The following MARCHF1 variants were observed in gnomAD, a reference collection of about 807,000 sequenced individuals.
MARCHF1 encodes the protein E3 ubiquitin-protein ligase MARCHF1.
In MARCHF1, 40 loss-of-function variants were observed where a neutral mutation model predicts 54.2. That is an observed-to-expected ratio of 0.74 (90% CI 0.57 to 0.96). MARCHF1 has a LOEUF of 0.96. Ranked by LOEUF, MARCHF1 falls within the 40% of genes least tolerant of loss-of-function variation. The probability of loss-of-function intolerance (pLI) is 0.00; values close to 1 mark genes in which losing one functional copy is unlikely to be tolerated. For missense variants in MARCHF1, 586 were observed against 656.5 expected, an observed-to-expected ratio of 0.89 and a Z score of 1.17; for synonymous variants, 236 against 236.3, an observed-to-expected ratio of 1.00 and a Z score of 0.01.
chr4:164,093,702 A>G (rs917310709), intron 2 of MARCHF1, among the ~76,000 whole-genome samples: 1 of 152,186 alleles, frequency 6.6e-6, no homozygotes, highest in Admixed American at 6.5e-5. Context: ...AGGGGAGGAC[A>G]GTGGCAGTGA....
chr4:163,756,648 A>C (rs1746681407), intron 4 of MARCHF1, among the ~76,000 whole-genome samples: 1 of 150,478 alleles, frequency 6.6e-6, no homozygotes, highest in Non-Finnish European at 1.5e-5. Flanking sequence ...AAAAAAAAAA[A>C]AAAAAAAAAG....
chr4:164,097,592 A>C (rs1030757680), intron 2 of MARCHF1, among the ~76,000 whole-genome samples: 3 of 152,094 alleles, frequency 2.0e-5, no homozygotes, highest in African/African-American at 7.2e-5. Flanking sequence ...AATATAATTG[A>C]TTGCTTGGGT....
At chr4:163,712,477 G>T (rs1256622968) in intron 4 of MARCHF1, among the ~76,000 whole-genome samples, 1 of 152,014 alleles carries the variant, frequency 6.6e-6, no homozygotes, top group East Asian at 1.9e-4. Context: ...TCCTGCAAAG[G>T]TTGGTAATCC....
At chr4:163,535,818 G>C (rs1326816674) in intron 9 of MARCHF1, among the ~76,000 whole-genome samples, 1 of 149,330 alleles carries the variant, frequency 6.7e-6, no homozygotes, top group East Asian at 2.0e-4. Flanking sequence ...ACAATCATCT[G>C]AAACACTGAC....
intron 1 of MARCHF1, among the ~76,000 whole-genome samples, chr4:164,128,435 AG>A (rs1223086936): frequency 6.6e-6 from 1 of 152,162 alleles, no homozygotes; most frequent in East Asian, 1.9e-4. Context: ...AGAAGAAAAA[AG>A]ACTTAAAATC....
At chr4:163,985,615 A>G (rs1332711865) in intron 3 of MARCHF1, among the ~76,000 whole-genome samples, 1 of 152,178 alleles carries the variant, frequency 6.6e-6, no homozygotes, top group Non-Finnish European at 1.5e-5. Flanking sequence ...CAGTTTTCTA[A>G]TTCTTTTCTT....
At position 163,525,346 on chromosome 4, in the gene MARCHF1, CA is replaced by C. The variant is rs1738064247; in HGVS notation, c.*3401del. The C allele has an allele frequency of 6.6e-6, 1 of 152,100 alleles. No homozygotes were observed. The highest frequency in any genetic ancestry group is 2.1e-4 in the South Asian group (1 of 4,826). The allele number at this position is 152,100 out of a possible 1,614,324, so 9.4% of individuals were successfully genotyped here. On this transcript the variant is annotated 3_prime_UTR_variant, in exon 10 of 10. Coordinates refer to ENST00000514618, the MANE Select transcript of MARCHF1 (RefSeq NM_001394959.1). ...GAGGTCGTCTGTCTGGGACTATAAT[CA>C]CGTGTAGAAGCAGCGCAGAGTGAGA...
intron 4 of MARCHF1, among the ~76,000 whole-genome samples, chr4:163,718,269 A>G (rs1003553511): frequency 6.6e-6 from 1 of 152,234 alleles, no homozygotes; most frequent in Non-Finnish European, 1.5e-5. Flanking sequence ...TAAAACACCA[A>G]AAGCAATGGC....
At chr4:163,959,179 A>C (rs1437183898) in intron 3 of MARCHF1, among the ~76,000 whole-genome samples, 2 of 151,924 alleles carry the variant, frequency 1.3e-5, no homozygotes, top group East Asian at 3.9e-4. Context: ...ATTGTGAGCA[A>C]ATACAATTAT....
At chr4:164,246,889 A>T (rs1732964072) in intron 1 of MARCHF1, among the ~76,000 whole-genome samples, 1 of 121,332 alleles carries the variant, frequency 8.2e-6, no homozygotes. Flanking sequence ...GAGAAATGCA[A>T]ATCAAAACCA....
intron 3 of MARCHF1, among the ~76,000 whole-genome samples, chr4:163,942,223 G>A (rs1751926048): frequency 6.6e-6 from 1 of 152,112 alleles, no homozygotes; most frequent in Non-Finnish European, 1.5e-5. Context: ...CAACTCCACC[G>A]TGTCCAATTT....
At chr4:164,089,659 T>C (rs1755259642) in intron 2 of MARCHF1, among the ~76,000 whole-genome samples, 1 of 137,000 alleles carries the variant, frequency 7.3e-6, no homozygotes, top group South Asian at 2.1e-4. Context: ...TTTACAAATA[T>C]GGTTACAGTG....
At chr4:163,692,894 A>C (rs1265474262) in intron 5 of MARCHF1, among the ~76,000 whole-genome samples, 1 of 151,384 alleles carries the variant, frequency 6.6e-6, no homozygotes, top group Non-Finnish European at 1.5e-5. Flanking sequence ...GAGAAGAACA[A>C]CACAATATCT....
At chr4:164,124,832 A>G (rs1180174847) in intron 1 of MARCHF1, among the ~76,000 whole-genome samples, 1 of 152,134 alleles carries the variant, frequency 6.6e-6, no homozygotes, top group Non-Finnish European at 1.5e-5. Context: ...CACTTTAAAA[A>G]AAGAATATAT....
intron 1 of MARCHF1, among the ~76,000 whole-genome samples, chr4:164,300,490 T>C (rs1734527893): frequency 6.6e-6 from 1 of 152,172 alleles, no homozygotes; most frequent in Non-Finnish European, 1.5e-5. Context: ...TACCCTTGAA[T>C]TCATATTTTG....
chr4:163,997,022 C>T (rs904262433), intron 2 of MARCHF1, among the ~76,000 whole-genome samples: 1 of 151,976 alleles, frequency 6.6e-6, no homozygotes, highest in Non-Finnish European at 1.5e-5. Context: ...AAAACACTTC[C>T]ACAGACAGGT....
intron 4 of MARCHF1, among the ~76,000 whole-genome samples, chr4:163,710,999 T>C (rs2111255979): frequency 6.6e-6 from 1 of 152,242 alleles, no homozygotes; most frequent in South Asian, 2.1e-4. Context: ...TATGACTATG[T>C]TCACATGAGA....
chr4:164,242,287 G>A (rs565291577), intron 1 of MARCHF1, among the ~76,000 whole-genome samples: 20 of 143,246 alleles, frequency 1.4e-4, no homozygotes, highest in Admixed American at 2.1e-4. Context: ...ATCTGAGAAC[G>A]GGCAGACTGC....
At chr4:164,201,144 A>G (rs1731440311) in intron 1 of MARCHF1, among the ~76,000 whole-genome samples, 1 of 152,232 alleles carries the variant, frequency 6.6e-6, no homozygotes, top group African/African-American at 2.4e-5. Context: ...ATCTTAGCAT[A>G]ATGAAAAGAC....
Sources: gnomAD v4.1 joint callset for allele counts (sites outside exome capture counted in the v4.1 genomes callset) on GRCh38, gnomAD v4.1.1 for gene constraint, MANE v1.5 for transcripts, NCBI Gene and HGNC (gene_info 2026-07-23, HGNC 2026-07-21) for gene names.